Variants in TMEM217 observed in about 807,000 individuals in gnomAD.
TMEM217 encodes transmembrane protein 217, also known as chromosome 6 open reading frame 128.
For missense variants in TMEM217, 204 were observed against 248.8 expected (o/e 0.82, Z 1.21); for synonymous variants, 76 against 88.3 (o/e 0.86, Z 0.78).
At chr6:37,245,804 CTTT>C (rs59353140) in intron 1 of TMEM217, among the ~76,000 whole-genome samples, 50 of 143,650 alleles carry the variant, frequency 3.5e-4, no homozygotes, top group Non-Finnish European at 3.4e-4. Flanking sequence ...TTCTTTCTTT[CTTT>C]TTTTTTTTTG....
At position 37,257,901 on chromosome 6, in the gene TMEM217, T is replaced by A. The variant is rs995769825; in HGVS notation, c.-345A>T. On this transcript the variant is annotated 5_prime_UTR_variant, in exon 1 of 2. In the 5' UTR this introduces an upstream ATG that the reference lacks. Coordinates refer to ENST00000357219, the Ensembl canonical transcript of TMEM217. ...AAACCCTTGGCCCGCCTACAAGGACTTCCCCCGGCCAGAGCAATGGCCGCT... is the reference window on the plus strand; with the variant it reads ...AAACCCTTGGCCCGCCTACAAGGACATCCCCCGGCCAGAGCAATGGCCGCT... 1 of 1,612,996 alleles carries A rather than the reference T, an allele frequency of 6.2e-7. No individual in the cohort carries two copies. Among genetic ancestry groups the A allele is most frequent in the Middle Eastern group, 1.7e-4 (1 of 6,050 alleles).
At chr6:37,218,354 A>C in exon 2 of TMEM217, 1 of 1,294,344 alleles carries the variant, frequency 7.7e-7, no homozygotes, top group Non-Finnish European at 1.1e-6. Context: ...TTTTTTTAGT[A>C]GAGACGGGGT....
rs1012607114 is a variant in TMEM217 at position 37,243,899 on chromosome 6, C to T, written c.-12+13669G>A. On this transcript the variant is annotated intron_variant, in intron 1 of 1. Transcript: ENST00000357219. ...CTCTGGATGGGGGGGTGCACAGGAC[C>T]GGTTCAGTCAGGAGCCAGGAGCCCA... is the stretch of plus-strand genomic sequence containing the variant. Among the ~76,000 whole-genome samples, 50 of 152,090 alleles carry T rather than the reference C, an allele frequency of 3.3e-4. 1 individual carries two copies. The highest frequency in any genetic ancestry group is 3.1e-3 in the Admixed American group (47 of 15,268).
At chr6:37,238,983 A>G (rs1017157283) in intron 1 of TMEM217, among the ~76,000 whole-genome samples, 5 of 152,114 alleles carry the variant, frequency 3.3e-5, no homozygotes, top group African/African-American at 1.2e-4. Flanking sequence ...TACAAAAATT[A>G]GCCAGGCATG....
At chr6:37,230,573 C>A (rs1290365891) in intron 1 of TMEM217, among the ~76,000 whole-genome samples, 1 of 152,028 alleles carries the variant, frequency 6.6e-6, no homozygotes, top group Admixed American at 6.6e-5. Context: ...AGAGGGATGA[C>A]CATGTGAAAA....
chr6:37,249,911 G>C lies in TMEM217; in HGVS notation c.-12+7657C>G, dbSNP rs546755771. On this transcript the variant is annotated intron_variant, in intron 1 of 1. Transcript: ENST00000357219. ...ATTCCACTTCCATGTCAACAACCTA[G>C]AGAAATCTTTCTAGTTGTTCACTTA... Among the ~76,000 whole-genome samples, 6 of 152,308 alleles carry C rather than the reference G, an allele frequency of 3.9e-5. No homozygotes were observed. In the South Asian group the frequency reaches 1.2e-3, roughly 32 times the overall value.
chr6:37,238,165 C>T (rs956346638), intron 1 of TMEM217, among the ~76,000 whole-genome samples: 2 of 46,864 alleles, frequency 4.3e-5, no homozygotes, highest in Admixed American at 6.4e-4. Flanking sequence ...ATTAAAAACA[C>T]TGAAAAAAAA....
intron 1 of TMEM217, among the ~76,000 whole-genome samples, chr6:37,222,191 C>G (rs1206181527): frequency 1.3e-5 from 2 of 152,248 alleles, no homozygotes; most frequent in East Asian, 1.9e-4. Context: ...GGAAGAGGCA[C>G]CACTTAGGTC....
intron 1 of TMEM217, among the ~76,000 whole-genome samples, chr6:37,242,312 C>A (rs1265927139): frequency 6.6e-6 from 1 of 152,238 alleles, no homozygotes; most frequent in East Asian, 1.9e-4. Context: ...CTGTACCTCT[C>A]TATTCCCCCC....
intron 1 of TMEM217, among the ~76,000 whole-genome samples, chr6:37,235,526 T>C (rs1412530122): frequency 5.9e-5 from 9 of 152,104 alleles, no homozygotes. Flanking sequence ...CCACCACGCC[T>C]GGCTAATTTT....
chr6:37,252,635 A>ATTTTTTTTTTTTT (rs1489045294), intron 1 of TMEM217, among the ~76,000 whole-genome samples: 1 of 60,384 alleles, frequency 1.7e-5, no homozygotes, highest in African/African-American at 5.9e-5. Context: ...ATATATATAT[A>ATTTTTTTTTTTTT]TATTTTTTTT....
At chr6:37,227,080 C>T (rs1391266908) in intron 1 of TMEM217, among the ~76,000 whole-genome samples, 2 of 152,210 alleles carry the variant, frequency 1.3e-5, no homozygotes, top group Non-Finnish European at 2.9e-5. Context: ...GATTTGAACT[C>T]ACAACTTTCT....
At chr6:37,212,217 T>C in exon 4 of TMEM217, 1 of 332,334 alleles carries the variant, frequency 3.0e-6, no homozygotes, top group South Asian at 2.4e-5. Flanking sequence ...TATCATTAAC[T>C]GCTAAAACAA....
At chr6:37,222,697 C>A (rs1450551796) in intron 1 of TMEM217, among the ~76,000 whole-genome samples, 1 of 152,236 alleles carries the variant, frequency 6.6e-6, no homozygotes, top group Non-Finnish European at 1.5e-5. Context: ...ACAGTTTGGG[C>A]AGCTGCAGCC....
chr6:37,252,308 C>T (rs1448949232), intron 1 of TMEM217, among the ~76,000 whole-genome samples: 2 of 151,848 alleles, frequency 1.3e-5, no homozygotes, highest in Non-Finnish European at 2.9e-5. Flanking sequence ...TTACACAGCC[C>T]CGAGAGCTTA....
exon 4 of TMEM217, chr6:37,212,583 G>T (rs916990579): frequency 1.7e-5 from 8 of 471,742 alleles, no homozygotes; most frequent in African/African-American, 1.4e-4. Flanking sequence ...GCAGGAGCAT[G>T]TGTGAGATTT....
At chr6:37,232,707 C>A (rs1323248485) in intron 1 of TMEM217, among the ~76,000 whole-genome samples, 1 of 152,196 alleles carries the variant, frequency 6.6e-6, no homozygotes, top group East Asian at 1.9e-4. Context: ...AAGTATCTTT[C>A]CTCCTCTACC....
chr6:37,243,249 A>G (rs1375822650), intron 1 of TMEM217, among the ~76,000 whole-genome samples: 1 of 152,224 alleles, frequency 6.6e-6, no homozygotes, highest in Non-Finnish European at 1.5e-5. Context: ...CCACTCTGAA[A>G]CAGGGCGTTT....
chr6:37,212,208 A>G (rs148255070), exon 4 of TMEM217: 25 of 325,188 alleles, frequency 7.7e-5, no homozygotes, highest in African/African-American at 4.5e-4. Flanking sequence ...AAGGCCACAT[A>G]TCATTAACTG....
Sources: gnomAD v4.1 joint callset for allele counts (sites outside exome capture counted in the v4.1 genomes callset) on GRCh38, gnomAD v4.1.1 for gene constraint, MANE v1.5 for transcripts, NCBI Gene and HGNC (gene_info 2026-07-23, HGNC 2026-07-21) for gene names.